SNIP1: variants seen among roughly 807,000 people sequenced by gnomAD.
SNIP1 encodes the protein Smad nuclear interacting protein 1, also known as smad nuclear-interacting protein 1.
In SNIP1, 23 loss-of-function variants were observed where a neutral mutation model predicts 37.4. The ratio of observed to expected loss-of-function variants is 0.61; its 90% confidence interval spans 0.44 to 0.87. The LOEUF (loss-of-function observed/expected upper bound fraction) is 0.87, where lower values mean the gene tolerates loss of function less well. Among genes scored for constraint, SNIP1 ranks in the 40% least tolerant of loss-of-function variants. SNIP1 has a pLI of 0.00. For synonymous variants in SNIP1, 174 were observed against 200.0 expected (o/e 0.87, Z 1.10); for missense variants, 459 against 540.4 (o/e 0.85, Z 1.49).
In SNIP1 at chr1:37,540,822, C is replaced by T. The variant is rs531647568; in HGVS notation, c.328-67G>A. The stretch of plus-strand genomic sequence containing the variant: ...ATCTAAAGGCAGCCCAAATCTTGTT[C>T]TTTTTGAACGAAGTGCATGCAAAAA... On this transcript the variant is annotated intron_variant, in intron 2 of 3. Transcript: ENST00000296215. The surrounding 1 kb of genome is among the most constrained non-coding windows in gnomAD (Gnocchi z 5.6). The T allele has an allele frequency of 1.3e-5, 19 of 1,444,472 alleles. No homozygotes were observed. The highest frequency in any genetic ancestry group is 2.3e-5 in the Admixed American group (1 of 43,570). 89.5% of individuals were successfully genotyped at this position (1,444,472 alleles called of 1,614,324 possible). A position where few individuals can be genotyped will look rare whatever the true frequency, so the allele number is the denominator to read the frequency against.
intron 3 of SNIP1, among the ~76,000 whole-genome samples, 183 bp downstream of exon 3, chr1:37,539,974 A>G (rs1261230040): frequency 2.0e-5 from 3 of 152,216 alleles, no homozygotes; most frequent in Non-Finnish European, 4.4e-5. Context: ...AAATAGATTA[A>G]AAGTTTAATG....
intron 2 of SNIP1, among the ~76,000 whole-genome samples, chr1:37,549,709 G>A (rs894443133): frequency 6.6e-6 from 1 of 152,140 alleles, no homozygotes. Flanking sequence ...GCTGTGACCG[G>A]CCCAGACTTT....
Position 37,540,495 on chromosome 1 carries a change from A to T in SNIP1, c.588T>A (p.Gly196=). 1 of 1,614,038 alleles carries T rather than the reference A, an allele frequency of 6.2e-7. No homozygotes were observed. Among genetic ancestry groups the T allele is most frequent in the Non-Finnish European group, 8.5e-7 (1 of 1,179,998 alleles). The change falls in exon 3 of 4, where the codon GGT becomes GGA. Residue 196 remains glycine, a synonymous_variant. Coordinates refer to ENST00000296215, the MANE Select transcript of SNIP1 (RefSeq NM_024700.4). This position sits in a 1 kb window ranked among gnomAD's most constrained non-coding sequence, Gnocchi z 5.6. ...RREHRQRNDV[G]GGGSESQELV... ...ACTCCTGAGACTCACTGCCGCCACCACCAACGTCATTCCTCTGGCGATGCT... is the reference window on the plus strand; with the variant it reads ...ACTCCTGAGACTCACTGCCGCCACCTCCAACGTCATTCCTCTGGCGATGCT...
chr1:37,535,146 C>T lies in SNIP1; in HGVS notation c.*2602G>A, dbSNP rs1001619203. On this transcript the variant is annotated 3_prime_UTR_variant, in exon 4 of 4. Transcript: ENST00000296215. ...CAGCACTTTGGGAGGCTGAGAGGGG[C>T]GGATCACAAGGTCAGGAGTTCGAGA... The T allele has an allele frequency of 9.6e-5, 14 of 145,818 alleles. No individual in the cohort carries two copies. The East Asian group carries it at 1.4e-3, about 14-fold the overall frequency. The allele number at this position is 145,818 out of a possible 1,614,324, so 9.0% of individuals were successfully genotyped here.
rs150092455 is a variant in SNIP1 at position 37,547,393 on chromosome 1, A to G, written c.327+5252T>C. On this transcript the variant is annotated intron_variant, in intron 2 of 3. Transcript: ENST00000296215. Reference sequence around the variant, plus strand: ...CATACTCTCATTTTATATTTTACATACCTCTGTATTATTACAATGAGCATG... The same window carrying G: ...CATACTCTCATTTTATATTTTACATGCCTCTGTATTATTACAATGAGCATG... 6.7e-4 allele frequency among the ~76,000 whole-genome samples: 102 copies of G among 152,212 alleles called. 2 individuals carry two copies. The highest frequency in any genetic ancestry group is 2.3e-3 in the African/African-American group (96 of 41,532).
chr1:37,553,016 C>T (rs1159929977), intron 1 of SNIP1, among the ~76,000 whole-genome samples: 4 of 152,300 alleles, frequency 2.6e-5, no homozygotes, highest in African/African-American at 9.6e-5. Flanking sequence ...TCTCCTACTC[C>T]TTGCCATCTC....
At chr1:37,552,851 G>GT in intron 1 of SNIP1, 104 bp from the exon 2 acceptor site, 3 of 898,760 alleles carry the variant, frequency 3.3e-6, no homozygotes, top group Non-Finnish European at 5.6e-6. Context: ...CCGCATTTGT[G>GT]AAGGTCTCTG....
chr1:37,538,057 G>T, intron 3 of SNIP1, 45 bp from the exon 4 acceptor site: 1 of 1,541,194 alleles, frequency 6.5e-7, no homozygotes, highest in Non-Finnish European at 8.7e-7. Context: ...TTCTGCCTCA[G>T]ATCATCCAGC....
At chr1:37,548,129 G>A (rs1250184966) in intron 2 of SNIP1, among the ~76,000 whole-genome samples, 17 of 140,262 alleles carry the variant, frequency 1.2e-4, no homozygotes, top group African/African-American at 4.5e-4. Context: ...CTCCAGCCTG[G>A]GCAACGCAGC....
At chr1:37,552,533 C>T (rs12144401) in intron 2 of SNIP1, 112 bp downstream of exon 2, 56,498 of 828,158 alleles carry the variant, frequency 0.068, 2,416 homozygotes, top group South Asian at 0.14. Flanking sequence ...GAGATGTAGG[C>T]GAGCGTACGT....
At chr1:37,548,334 T>A (rs887586285) in intron 2 of SNIP1, among the ~76,000 whole-genome samples, 1 of 151,806 alleles carries the variant, frequency 6.6e-6, no homozygotes, top group African/African-American at 2.4e-5. Context: ...GCTTTTTTTT[T>A]TAAAACAGTC....
Position 37,538,297 on chromosome 1 carries a change from A to T in SNIP1, c.927-285T>A, listed in dbSNP as rs768408317. 6.7e-4 allele frequency among the ~76,000 whole-genome samples: 102 copies of T among 152,262 alleles called. 1 individual carries two copies. Among genetic ancestry groups the T allele is most frequent in the Non-Finnish European group, 9.1e-4 (62 of 68,018 alleles). Reference sequence around the variant, plus strand: ...GCCGAGACGGGCGGATCACGAGGTCAGGAGATGGAGACCATCCTGGCTAAC... The same window carrying T: ...GCCGAGACGGGCGGATCACGAGGTCTGGAGATGGAGACCATCCTGGCTAAC... On this transcript the variant is annotated intron_variant, in intron 3 of 3. Coordinates refer to ENST00000296215, the MANE Select transcript of SNIP1 (RefSeq NM_024700.4).
chr1:37,541,114 T>G (rs996086439), intron 2 of SNIP1: 5 of 180,140 alleles, frequency 2.8e-5, no homozygotes, highest in Admixed American at 2.3e-4. Context: ...AAAATAGAAC[T>G]AAGAGTTAAG....
Position 37,554,272 on chromosome 1 carries a change from T to G in SNIP1, c.-43A>C. 1 of 1,532,630 alleles carries G rather than the reference T, an allele frequency of 6.5e-7. No homozygotes were observed. Among genetic ancestry groups the G allele is most frequent in the Non-Finnish European group, 8.8e-7 (1 of 1,135,746 alleles). 94.9% of individuals were successfully genotyped at this position (1,532,630 alleles called of 1,614,324 possible). The stretch of plus-strand genomic sequence containing the variant: ...GCGAAAGAAAACAGATCAGTTGAGC[T>G]CCTCTAGCTGGAGGAAATGACGAGT... On this transcript the variant is annotated 5_prime_UTR_variant, in exon 1 of 4. Coordinates refer to ENST00000296215, the MANE Select transcript of SNIP1 (RefSeq NM_024700.4).
intron 3 of SNIP1, 100 bp from the exon 4 acceptor site, chr1:37,538,112 C>A (rs1261724260): frequency 2.9e-6 from 4 of 1,356,858 alleles, no homozygotes; most frequent in Non-Finnish European, 2.9e-6. Context: ...ACGTAAATAA[C>A]CTGGCTTGAG....
intron 2 of SNIP1, 123 bp downstream of exon 2, chr1:37,552,522 A>T: frequency 1.3e-6 from 1 of 750,612 alleles, no homozygotes; most frequent in Non-Finnish European, 2.3e-6. Flanking sequence ...AGGTACAAGT[A>T]GAGATGTAGG....
intron 2 of SNIP1, among the ~76,000 whole-genome samples, chr1:37,544,446 C>CAAAAAA (rs11374263): frequency 2.1e-5 from 2 of 94,172 alleles, no homozygotes; most frequent in Admixed American, 1.1e-4. Flanking sequence ...GACTCTGTCT[C>CAAAAAA]AAAAAAAAAA....
Position 37,544,722 on chromosome 1 carries a change from C to T in SNIP1, c.328-3967G>A, listed in dbSNP as rs1643211417. 1.1e-5 allele frequency: 7 copies of T among 627,692 alleles called. 1 individual carries two copies. The highest frequency in any genetic ancestry group is 2.1e-5 in the Admixed American group (1 of 47,766). The allele number at this position is 627,692 out of a possible 1,614,324, so 38.9% of individuals were successfully genotyped here. ...CCCAAGGCCCCCGCCGCCACTCCAG[C>T]GCCGTGCAGCCACCGCCGCACAGCC... On this transcript the variant is annotated intron_variant, in intron 2 of 3. Coordinates refer to ENST00000296215, the MANE Select transcript of SNIP1 (RefSeq NM_024700.4).
At chr1:37,543,597 T>C (rs765569973) in intron 2 of SNIP1, among the ~76,000 whole-genome samples, 2 of 152,124 alleles carry the variant, frequency 1.3e-5, no homozygotes, top group Non-Finnish European at 2.9e-5. Context: ...CATATTTCTA[T>C]ATATAGACTT....
Sources: gnomAD v4.1 joint callset for allele counts (sites outside exome capture counted in the v4.1 genomes callset) on GRCh38, gnomAD v4.1.1 for gene constraint, Gnocchi (gnomAD v3.1) non-coding constraint, MANE v1.5 for transcripts, NCBI Gene and HGNC (gene_info 2026-07-23, HGNC 2026-07-21) for gene names.